Variants in PDE10A observed in about 807,000 individuals in gnomAD.
The protein encoded by PDE10A is cAMP and cAMP-inhibited cGMP 3',5'-cyclic phosphodiesterase 10A.
Under a neutral mutation model 97.7 loss-of-function variants are expected in PDE10A, and 39 were observed. That is an observed-to-expected ratio of 0.40 (90% confidence interval 0.31 to 0.52). The LOEUF (loss-of-function observed/expected upper bound fraction) is 0.52. Ranked by LOEUF, PDE10A falls within the 20% of genes least tolerant of loss-of-function variation. The probability of loss-of-function intolerance (pLI) is 0.56; values close to 1 mark genes in which losing one functional copy is unlikely to be tolerated. For synonymous variants in PDE10A, 371 were observed against 376.8 expected, an observed-to-expected ratio of 0.98 and a Z score of 0.18; for missense variants, 731 against 1,047.8, an observed-to-expected ratio of 0.70 and a Z score of 4.17.
intron 1 of PDE10A, chr6:165,950,038 T>C (rs1783904283): frequency 6.6e-6 from 1 of 152,252 alleles, no homozygotes; most frequent in African/African-American, 2.4e-5. Context: ...TTATTTTGCA[T>C]GTGTTTAGTC....
chr6:165,410,115 T>G (rs533431100), intron 13 of PDE10A, among the ~76,000 whole-genome samples: 16 of 151,934 alleles, frequency 1.1e-4, no homozygotes, highest in Non-Finnish European at 1.5e-4. Context: ...TCAAAATGAC[T>G]TTTTCCCACA....
intron 1 of PDE10A, among the ~76,000 whole-genome samples, chr6:165,648,916 C>G (rs567028987): frequency 1.3e-5 from 2 of 152,178 alleles, no homozygotes; most frequent in Non-Finnish European, 2.9e-5. Context: ...GTGAAAGGAC[C>G]GTGCAGCCAC....
In PDE10A at chr6:165,330,322, T is replaced by C. The variant is rs1481856936; in HGVS notation, c.*2703A>G. ...GGCTTCTGGTGTCACACTGTTCTTT[T>C]AAGAAAAGATCTGGGAACAAGACAA... is the stretch of plus-strand genomic sequence containing the variant. On this transcript the variant is annotated 3_prime_UTR_variant, in exon 22 of 22. Coordinates refer to ENST00000539869, the MANE Select transcript of PDE10A (RefSeq NM_001385079.1). 6.6e-6 allele frequency: 1 copy of C among 152,170 alleles called. No individual in the cohort carries two copies. Among genetic ancestry groups the C allele is most frequent in the Non-Finnish European group, 1.5e-5 (1 of 68,004 alleles). 9.4% of individuals were successfully genotyped at this position (152,170 alleles called of 1,614,324 possible).
At chr6:165,625,739 C>A (rs150190970) in intron 1 of PDE10A, among the ~76,000 whole-genome samples, 1 of 152,144 alleles carries the variant, frequency 6.6e-6, no homozygotes, top group East Asian at 1.9e-4. Flanking sequence ...GTAAGAAGTG[C>A]CTTTCACCTT....
intron 1 of PDE10A, among the ~76,000 whole-genome samples, chr6:165,778,177 C>T (rs1019779437): frequency 1.3e-5 from 2 of 152,110 alleles, no homozygotes; most frequent in African/African-American, 4.8e-5. Flanking sequence ...CGGGTTCACG[C>T]TGTTCTCCTG....
intron 13 of PDE10A, among the ~76,000 whole-genome samples, chr6:165,405,129 C>G (rs1046036767): frequency 2.6e-5 from 4 of 152,016 alleles, no homozygotes; most frequent in Non-Finnish European, 5.9e-5. Flanking sequence ...AAATAAGAGA[C>G]AGCTGAATTC....
intron 1 of PDE10A, among the ~76,000 whole-genome samples, chr6:165,748,327 A>G (rs888522293): frequency 6.6e-6 from 1 of 152,238 alleles, no homozygotes; most frequent in African/African-American, 2.4e-5. Context: ...AACAACCTGT[A>G]GAAAGTATGA....
chr6:165,866,943 G>A (rs183739873), intron 1 of PDE10A, among the ~76,000 whole-genome samples: 15 of 152,094 alleles, frequency 9.9e-5, no homozygotes, highest in South Asian at 2.1e-4. Context: ...ATACTCAAGG[G>A]AGTTCTACAT....
chr6:165,703,996 A>G (rs1791643195), intron 1 of PDE10A, among the ~76,000 whole-genome samples: 1 of 152,076 alleles, frequency 6.6e-6, no homozygotes, highest in Non-Finnish European at 1.5e-5. Context: ...CTTTTCCCAC[A>G]CGTTTTTCAA....
chr6:165,355,052 G>A (rs926010022), intron 18 of PDE10A, among the ~76,000 whole-genome samples: 7 of 152,124 alleles, frequency 4.6e-5, no homozygotes, highest in Admixed American at 3.3e-4. Flanking sequence ...TCACCTCACA[G>A]TGAGATAAGA....
intron 18 of PDE10A, among the ~76,000 whole-genome samples, chr6:165,368,160 T>A (rs1258197082): frequency 2.0e-5 from 3 of 152,130 alleles, no homozygotes; most frequent in African/African-American, 7.2e-5. Context: ...CACACCTGGC[T>A]AATTTTTGTA....
intron 1 of PDE10A, among the ~76,000 whole-genome samples, chr6:165,929,322 G>T (rs1474442315): frequency 2.0e-5 from 3 of 152,210 alleles, no homozygotes; most frequent in Admixed American, 2.0e-4. Flanking sequence ...CAAACATGGG[G>T]TTGTGCTTTT....
At chr6:165,600,463 G>A (rs183266653) in intron 1 of PDE10A, among the ~76,000 whole-genome samples, 1 of 152,374 alleles carries the variant, frequency 6.6e-6, no homozygotes, top group East Asian at 1.9e-4. Context: ...CAAATTGTGT[G>A]TGTGTGGCTG....
Position 165,332,793 on chromosome 6 carries a change from G to A in PDE10A, c.*232C>T. On this transcript the variant is annotated 3_prime_UTR_variant, in exon 22 of 22. Transcript: ENST00000539869. Reference sequence around the variant, plus strand: ...GTCAAATGGAGTCACTTGGCCAGCTGATTTCTGAACGTGGGGGTGGTCCTG... The same window carrying A: ...GTCAAATGGAGTCACTTGGCCAGCTAATTTCTGAACGTGGGGGTGGTCCTG... The A allele has an allele frequency of 2.1e-6, 1 of 484,914 alleles. No homozygotes were observed. The highest frequency in any genetic ancestry group is 4.0e-5 in the Admixed American group (1 of 25,226). The allele number at this position is 484,914 out of a possible 1,614,324, so 30.0% of individuals were successfully genotyped here. A position where few individuals can be genotyped will look rare whatever the true frequency, so the allele number is the denominator to read the frequency against.
At position 165,538,219 on chromosome 6, in the gene PDE10A, A is replaced by T. The variant is rs1359548195; in HGVS notation, c.994+5221T>A. ...CCACTTCTAGAATCACTGAAAGGAG[A>T]AAAACATATACTAACTACATTATTT... On this transcript the variant is annotated intron_variant, in intron 2 of 21. Coordinates refer to ENST00000539869, the MANE Select transcript of PDE10A (RefSeq NM_001385079.1). Among the ~76,000 whole-genome samples, 5 of 152,224 alleles carry T rather than the reference A, an allele frequency of 3.3e-5. No individual in the cohort carries two copies. The East Asian group carries it at 9.6e-4, about 29-fold the overall frequency.
chr6:165,639,629 C>T (rs1789033702), intron 1 of PDE10A, among the ~76,000 whole-genome samples: 1 of 150,246 alleles, frequency 6.7e-6, no homozygotes. Context: ...ATCCCAGCTA[C>T]TTGGGAGGCT....
intron 13 of PDE10A, among the ~76,000 whole-genome samples, chr6:165,406,228 A>ATGTGTGTGTGTG (rs3839483): frequency 0.11 from 15,231 of 140,312 alleles, 901 homozygotes; most frequent in Middle Eastern, 0.13. Flanking sequence ...AGGGAAAAGG[A>ATGTGTGTGTGTG]TGTGTGTGTG....
intron 1 of PDE10A, among the ~76,000 whole-genome samples, chr6:165,658,711 T>C (rs1044568336): frequency 6.6e-6 from 1 of 152,252 alleles, no homozygotes; most frequent in Non-Finnish European, 1.5e-5. Flanking sequence ...AAGCAAACAC[T>C]GGGCTCTCTA....
chr6:165,746,362 T>C (rs3002431), intron 1 of PDE10A, among the ~76,000 whole-genome samples: 2,259 of 152,322 alleles, frequency 0.015, 52 homozygotes, highest in African/African-American at 0.052. Flanking sequence ...AAGATTATTT[T>C]GTGCCAGGTA....
Sources: gnomAD v4.1 joint callset for allele counts (sites outside exome capture counted in the v4.1 genomes callset) on GRCh38, gnomAD v4.1.1 for gene constraint, MANE v1.5 for transcripts, NCBI Gene and HGNC (gene_info 2026-07-23, HGNC 2026-07-21) for gene names.